Variants in GALNTL6 observed in about 807,000 individuals in gnomAD.
The protein encoded by GALNTL6 is polypeptide N-acetylgalactosaminyltransferase like 6.
GALNTL6 carries 46 observed loss-of-function variants against 73.7 expected under a neutral mutation model. That is an observed-to-expected ratio of 0.62 (90% confidence interval 0.49 to 0.80). The LOEUF is 0.80. Among genes scored for constraint, GALNTL6 ranks in the 30% least tolerant of loss-of-function variants. The probability of loss-of-function intolerance (pLI) is 0.00; values close to 1 mark genes in which losing one functional copy is unlikely to be tolerated. For synonymous variants in GALNTL6, 259 were observed against 263.7 expected (o/e 0.98, Z 0.17); for missense variants, 604 against 755.0 (o/e 0.80, Z 2.34).
intron 2 of GALNTL6, among the ~76,000 whole-genome samples, chr4:172,146,066 C>T (rs1346881955): frequency 6.6e-6 from 1 of 152,146 alleles, no homozygotes; most frequent in Non-Finnish European, 1.5e-5. Context: ...ATTTCTATCC[C>T]TAAAACAAGA....
chr4:172,942,353 AGTTT>A (rs1189448233), intron 9 of GALNTL6, among the ~76,000 whole-genome samples: 1 of 152,236 alleles, frequency 6.6e-6, no homozygotes, highest in Non-Finnish European at 1.5e-5. Context: ...GTTCAACCAC[AGTTT>A]GTTTGAATGC....
intron 2 of GALNTL6, among the ~76,000 whole-genome samples, chr4:172,077,855 G>C (rs1274770700): frequency 1.3e-5 from 2 of 152,138 alleles, no homozygotes; most frequent in East Asian, 3.9e-4. Flanking sequence ...CAGGCCTGGA[G>C]ACCTAGGAGG....
chr4:172,360,058 A>T (rs1276018687), intron 5 of GALNTL6, among the ~76,000 whole-genome samples: 1 of 152,172 alleles, frequency 6.6e-6, no homozygotes, highest in Non-Finnish European at 1.5e-5. Flanking sequence ...TGCCCTGCTG[A>T]CTTACTTAAG....
chr4:171,921,783 T>A (rs1265692868), intron 2 of GALNTL6, among the ~76,000 whole-genome samples: 1 of 152,108 alleles, frequency 6.6e-6, no homozygotes, highest in Non-Finnish European at 1.5e-5. Context: ...ACATCTTAAC[T>A]GCTGTTACTA....
chr4:172,121,742 T>C (rs1253869136), intron 2 of GALNTL6, among the ~76,000 whole-genome samples: 1 of 152,228 alleles, frequency 6.6e-6, no homozygotes, highest in Non-Finnish European at 1.5e-5. Flanking sequence ...CAGGTATTGA[T>C]TATCATCTCA....
chr4:172,574,959 C>T (rs1736906375), intron 5 of GALNTL6, among the ~76,000 whole-genome samples: 3 of 151,986 alleles, frequency 2.0e-5, no homozygotes, highest in African/African-American at 7.2e-5. Context: ...CACACACACA[C>T]ACACACGATT....
At chr4:172,430,539 A>G (rs1037000549) in intron 5 of GALNTL6, among the ~76,000 whole-genome samples, 1 of 152,208 alleles carries the variant, frequency 6.6e-6, no homozygotes, top group Admixed American at 6.5e-5. Context: ...TAATACATGA[A>G]TGTCAGCATA....
intron 2 of GALNTL6, among the ~76,000 whole-genome samples, chr4:171,852,301 C>T (rs1346265898): frequency 1.3e-5 from 2 of 152,192 alleles, no homozygotes; most frequent in African/African-American, 2.4e-5. Flanking sequence ...GCAGCTGATG[C>T]CCTTCTTTTG....
At chr4:171,824,382 A>G (rs746305009) in intron 2 of GALNTL6, among the ~76,000 whole-genome samples, 2 of 151,944 alleles carry the variant, frequency 1.3e-5, no homozygotes, top group African/African-American at 2.4e-5. Context: ...CTACTCAAAG[A>G]CCTTGGACAA....
intron 10 of GALNTL6, among the ~76,000 whole-genome samples, chr4:172,991,894 A>T (rs1751559882): frequency 6.6e-6 from 1 of 152,162 alleles, no homozygotes; most frequent in Non-Finnish European, 1.5e-5. Context: ...TTTTATTTTA[A>T]TGTTTCATTT....
chr4:172,169,452 GTGA>G (rs1734741428), intron 2 of GALNTL6, among the ~76,000 whole-genome samples: 4 of 152,150 alleles, frequency 2.6e-5, no homozygotes, highest in Admixed American at 2.6e-4. Flanking sequence ...AAATGTCATA[GTGA>G]TGTAGTTTGA....
At chr4:172,177,476 A>C (rs1160604544) in intron 2 of GALNTL6, among the ~76,000 whole-genome samples, 1 of 151,980 alleles carries the variant, frequency 6.6e-6, no homozygotes, top group East Asian at 1.9e-4. Context: ...TTATCCCCCC[A>C]AACTCACAGC....
At chr4:172,492,591 T>C (rs1733936355) in intron 5 of GALNTL6, among the ~76,000 whole-genome samples, 1 of 152,154 alleles carries the variant, frequency 6.6e-6, no homozygotes, top group Non-Finnish European at 1.5e-5. Flanking sequence ...ATGCTCGCAG[T>C]ATAATAGTTC....
chr4:173,009,067 A>C, intron 10 of GALNTL6, 111 bp from the exon 11 acceptor site: 3 of 736,838 alleles, frequency 4.1e-6, no homozygotes. Flanking sequence ...TTCAATATGC[A>C]TGTAACCAAA....
rs749841630 is a variant in GALNTL6, at chr4:173,021,620, C to G, written c.1633C>G (p.Arg545Gly). The change falls in exon 12 of 13, where the codon CGG becomes GGG. Residue 545 changes from arginine (R) to glycine (G), a missense_variant. Arg to Gly is a moderately radical substitution (Grantham distance 125). Around this residue, in one of 5 missense-constraint regions of GALNTL6, gnomAD observed 261 missense variants for 296.5 expected, o/e 0.88. Transcript: ENST00000506823. ...GMKGNQLWGY[R>G]KDRTLFHPVS... ...GAAGGGGAACCAGCTCTGGGGATAC[C>G]GGAAGGTAAGAGTCAGTCCACTGTG... 6.2e-7 allele frequency: 1 copy of G among 1,613,840 alleles called. No homozygotes were observed. Among genetic ancestry groups the G allele is most frequent in the African/African-American group, 1.3e-5 (1 of 74,992 alleles).
chr4:172,193,492 A>G (rs979034912), intron 2 of GALNTL6, among the ~76,000 whole-genome samples: 2 of 152,142 alleles, frequency 1.3e-5, no homozygotes, highest in African/African-American at 4.8e-5. Context: ...CAACAACAAC[A>G]TCAACAAAAA....
chr4:172,340,709 G>A (rs975496947), intron 4 of GALNTL6, among the ~76,000 whole-genome samples: 2 of 152,192 alleles, frequency 1.3e-5, no homozygotes, highest in African/African-American at 4.8e-5. Context: ...ATTTAGGCTA[G>A]GGATAATTTG....
In GALNTL6 at chr4:172,069,773, C is replaced by T; in HGVS notation, c.139-159883C>T. 2.0e-5 allele frequency among the ~76,000 whole-genome samples: 2 copies of T among 100,650 alleles called. 1 individual carries two copies. 66.0% of individuals were successfully genotyped at this position (100,650 alleles called of 152,430 possible). On this transcript the variant is annotated intron_variant, in intron 2 of 12. Coordinates refer to ENST00000506823, the MANE Select transcript of GALNTL6 (RefSeq NM_001034845.3). ...TTTGCCTTGAGTTATTTAATCATTC[C>T]ATAATAGTTGAAAATGTACTCTATG...
chr4:171,836,199 T>G (rs484310), intron 2 of GALNTL6, among the ~76,000 whole-genome samples: 3 of 151,822 alleles, frequency 2.0e-5, no homozygotes, highest in Non-Finnish European at 2.9e-5. Flanking sequence ...TAGATGAAAC[T>G]ATCTATTTTT....
Sources: gnomAD v4.1 joint callset for allele counts (sites outside exome capture counted in the v4.1 genomes callset) on GRCh38, gnomAD v4.1.1 for gene constraint, gnomAD v4.1.1 regional missense constraint, MANE v1.5 for transcripts, NCBI Gene and HGNC (gene_info 2026-07-23, HGNC 2026-07-21) for gene names.